DOCK4: variants seen among roughly 807,000 people sequenced by gnomAD.
DOCK4 encodes the protein dedicator of cytokinesis 4, also known as dedicator of cytokinesis protein 4.
In DOCK4, 97 loss-of-function variants were observed where a neutral mutation model predicts 268.1. That is an observed-to-expected ratio of 0.36 (90% confidence interval 0.31 to 0.43). The LOEUF (loss-of-function observed/expected upper bound fraction) is 0.43. DOCK4 is among the 20% of genes least tolerant of loss of function. The pLI, the probability that DOCK4 is intolerant of heterozygous loss-of-function variation, is 1.00. For synonymous variants in DOCK4, 954 were observed against 887.2 expected, an observed-to-expected ratio of 1.08 and a Z score of -1.34; for missense variants, 2,145 against 2,455.7, an observed-to-expected ratio of 0.87 and a Z score of 2.67.
intron 1 of DOCK4, among the ~76,000 whole-genome samples, chr7:112,205,577 C>A (rs2099502133): frequency 6.6e-6 from 1 of 152,090 alleles, no homozygotes; most frequent in African/African-American, 2.4e-5. Flanking sequence ...CAGGACCCTG[C>A]CACATTCCAC....
chr7:111,956,649 A>C (rs1796473365), intron 8 of DOCK4, among the ~76,000 whole-genome samples: 1 of 152,198 alleles, frequency 6.6e-6, no homozygotes, highest in Non-Finnish European at 1.5e-5. Flanking sequence ...GCGTGAGATG[A>C]ATACATAATT....
intron 29 of DOCK4, 24 bp from the exon 30 acceptor site, chr7:111,808,903 C>T: frequency 6.2e-7 from 1 of 1,609,776 alleles, no homozygotes; most frequent in Non-Finnish European, 8.5e-7. Context: ...AAAAACCAAA[C>T]CTGATACAAT....
In DOCK4 at chr7:112,172,275, T is replaced by C. The variant is rs118156654; in HGVS notation, c.37+33827A>G. Among the ~76,000 whole-genome samples, 175 of 152,322 alleles carry C rather than the reference T, an allele frequency of 1.1e-3. 1 individual carries two copies. In the East Asian group the frequency reaches 0.028, roughly 24 times the overall value. On this transcript the variant is annotated intron_variant, in intron 1 of 52. Transcript: ENST00000428084. ...TAGAAGGCTAACAATTATTTGGCCA[T>C]AGGGAATGCCTGCAGAAATAAGAAT... is the stretch of plus-strand genomic sequence containing the variant.
intron 23 of DOCK4, among the ~76,000 whole-genome samples, chr7:111,861,351 A>T (rs1304573320): frequency 2.6e-5 from 4 of 152,230 alleles, no homozygotes; most frequent in African/African-American, 7.2e-5. Context: ...CTTCAACAGG[A>T]GAAAAAATAA....
In DOCK4 at chr7:111,827,790, T is replaced by C. The variant is rs142666329; in HGVS notation, c.2836-5334A>G. ...GAGGATAATGTGGTTGGAAGGTAAA[T>C]TGAGGATAGAAACAACATGATAAGG... is the stretch of plus-strand genomic sequence containing the variant. On this transcript the variant is annotated intron_variant, in intron 26 of 52. Coordinates refer to ENST00000428084, the MANE Select transcript of DOCK4 (RefSeq NM_001363540.2). Among the ~76,000 whole-genome samples, 366 of 152,186 alleles carry C rather than the reference T, an allele frequency of 2.4e-3. 3 individuals carry two copies. The highest frequency in any genetic ancestry group is 8.3e-3 in the African/African-American group (345 of 41,530).
intron 27 of DOCK4, among the ~76,000 whole-genome samples, chr7:111,812,265 T>C (rs115908157): frequency 0.012 from 1,802 of 152,336 alleles, 36 homozygotes; most frequent in African/African-American, 0.041. Flanking sequence ...AATGATTTAC[T>C]ACAAACATAA....
At chr7:112,021,152 A>C (rs1802285732) in intron 1 of DOCK4, among the ~76,000 whole-genome samples, 1 of 152,226 alleles carries the variant, frequency 6.6e-6, no homozygotes, top group African/African-American at 2.4e-5. Flanking sequence ...TTGCTCCAGA[A>C]ATCAGCCTTT....
chr7:111,945,590 TTG>T (rs1238440217), intron 9 of DOCK4, 125 bp downstream of exon 9: 2 of 744,284 alleles, frequency 2.7e-6, no homozygotes, highest in Non-Finnish European at 4.4e-6. Context: ...CTAATGTAAT[TTG>T]TGTGTTATTT....
intron 52 of DOCK4, among the ~76,000 whole-genome samples, chr7:111,730,649 A>C (rs559156557): frequency 1.3e-5 from 2 of 152,010 alleles, no homozygotes; most frequent in South Asian, 2.1e-4. Flanking sequence ...AAAAAAACCC[A>C]AAACCCCACT....
At chr7:111,957,963 G>A (rs952448299) in intron 8 of DOCK4, among the ~76,000 whole-genome samples, 2 of 152,148 alleles carry the variant, frequency 1.3e-5, no homozygotes, top group Admixed American at 6.5e-5. Context: ...TGCAAATGAT[G>A]TTTCCCCAGA....
intron 36 of DOCK4, among the ~76,000 whole-genome samples, chr7:111,777,809 C>T (rs1256280762): frequency 6.6e-6 from 1 of 152,166 alleles, no homozygotes; most frequent in Non-Finnish European, 1.5e-5. Flanking sequence ...AGTTTCCCTA[C>T]ACAAACTCTC....
intron 8 of DOCK4, among the ~76,000 whole-genome samples, chr7:111,970,449 G>C (rs1169542656): frequency 6.6e-6 from 1 of 152,132 alleles, no homozygotes; most frequent in Non-Finnish European, 1.5e-5. Flanking sequence ...GCTTAGAATG[G>C]TGCCTGGAAT....
intron 2 of DOCK4, among the ~76,000 whole-genome samples, chr7:112,002,147 G>A (rs972821076): frequency 2.0e-5 from 3 of 152,028 alleles, no homozygotes; most frequent in Non-Finnish European, 4.4e-5. Context: ...TTCTTAAAAG[G>A]ATATATTGTA....
At chr7:112,159,717 C>CA (rs1358080177) in intron 1 of DOCK4, among the ~76,000 whole-genome samples, 1 of 149,684 alleles carries the variant, frequency 6.7e-6, no homozygotes, top group Admixed American at 6.6e-5. Context: ...CACATTTCCA[C>CA]AAAATAGTCA....
At chr7:112,055,348 G>A (rs2135569154) in intron 1 of DOCK4, among the ~76,000 whole-genome samples, 1 of 152,248 alleles carries the variant, frequency 6.6e-6, no homozygotes, top group South Asian at 2.1e-4. Flanking sequence ...ATCACAGGGT[G>A]CACTCGCATA....
chr7:111,746,250 G>T, intron 44 of DOCK4, 84 bp downstream of exon 44: 2 of 1,085,374 alleles, frequency 1.8e-6, no homozygotes, highest in Non-Finnish European at 2.7e-6. Flanking sequence ...GACCACTGAT[G>T]CAGGAAACCA....
intron 1 of DOCK4, among the ~76,000 whole-genome samples, chr7:112,047,496 GAGACATTAAA>G: frequency 6.6e-6 from 1 of 152,182 alleles, no homozygotes; most frequent in African/African-American, 2.4e-5. Flanking sequence ...AAATTTAATG[GAGACATTAAA>G]AGACATTAGA....
chr7:111,875,421 G>T (rs1806772004), intron 17 of DOCK4, among the ~76,000 whole-genome samples: 1 of 152,190 alleles, frequency 6.6e-6, no homozygotes, highest in African/African-American at 2.4e-5. Flanking sequence ...TATTTTGATG[G>T]AAGAGAATCT....
intron 1 of DOCK4, among the ~76,000 whole-genome samples, chr7:112,013,408 T>C (rs114467703): frequency 1.3e-3 from 195 of 152,316 alleles, no homozygotes; most frequent in African/African-American, 4.4e-3. Context: ...AGTCAAAAAC[T>C]ATTTCTCAAG....
Sources: allele counts gnomAD v4.1 joint callset (sites outside exome capture counted in the v4.1 genomes callset), GRCh38; gene constraint gnomAD v4.1.1; transcripts MANE v1.5; gene names NCBI Gene and HGNC (gene_info 2026-07-23, HGNC 2026-07-21).